Variants in MAGI2 observed in about 807,000 individuals in gnomAD.
The protein encoded by MAGI2 is membrane-associated guanylate kinase, WW and PDZ domain-containing protein 2.
Under a neutral mutation model 133.3 loss-of-function variants are expected in MAGI2, and 35 were observed. The observed-to-expected ratio is 0.26, with a 90% CI of 0.20 to 0.35. The LOEUF (loss-of-function observed/expected upper bound fraction) is 0.35, where lower values mean the gene tolerates loss of function less well. MAGI2 is among the 10% of genes least tolerant of loss of function. The probability of loss-of-function intolerance (pLI) is 1.00; values close to 1 mark genes in which losing one functional copy is unlikely to be tolerated. For missense variants in MAGI2, 1,636 were observed against 1,863.4 expected, an observed-to-expected ratio of 0.88 and a Z score of 2.25; for synonymous variants, 729 against 710.6, an observed-to-expected ratio of 1.03 and a Z score of -0.41.
At chr7:78,394,539 C>G (rs529518269) in intron 6 of MAGI2, among the ~76,000 whole-genome samples, 1 of 152,158 alleles carries the variant, frequency 6.6e-6, no homozygotes, top group Non-Finnish European at 1.5e-5. Context: ...CTTCTCACCC[C>G]CCTCTCCCAT....
At chr7:78,913,338 T>C (rs958919179) in intron 2 of MAGI2, among the ~76,000 whole-genome samples, 19 of 152,128 alleles carry the variant, frequency 1.2e-4, no homozygotes, top group Admixed American at 4.6e-4. Context: ...AATCTGGCTG[T>C]TTAAAAGTGT....
intron 3 of MAGI2, among the ~76,000 whole-genome samples, chr7:78,588,356 A>G (rs1036757710): frequency 5.3e-5 from 8 of 152,206 alleles, no homozygotes; most frequent in Non-Finnish European, 1.0e-4. Flanking sequence ...ACAATTTAAT[A>G]TAATTAATAA....
At chr7:79,443,126 G>C (rs2129199073) in intron 1 of MAGI2, among the ~76,000 whole-genome samples, 2 of 152,104 alleles carry the variant, frequency 1.3e-5, no homozygotes, top group Middle Eastern at 6.8e-3. Context: ...ACAAAAATTA[G>C]CCGGGTGTGA....
At chr7:79,268,408 A>G (rs770294164) in intron 1 of MAGI2, among the ~76,000 whole-genome samples, 26 of 152,214 alleles carry the variant, frequency 1.7e-4, no homozygotes, top group Non-Finnish European at 3.7e-4. Flanking sequence ...AAAGGCATTG[A>G]CGATGTATTA....
intron 6 of MAGI2, among the ~76,000 whole-genome samples, chr7:78,483,845 C>T (rs1304625718): frequency 6.6e-6 from 1 of 151,816 alleles, no homozygotes; most frequent in Non-Finnish European, 1.5e-5. Flanking sequence ...AATATCAGTA[C>T]AAAAACAAAA....
chr7:78,512,755 C>T (rs1293918678), intron 4 of MAGI2, among the ~76,000 whole-genome samples: 1 of 152,094 alleles, frequency 6.6e-6, no homozygotes, highest in Non-Finnish European at 1.5e-5. Flanking sequence ...ATATTTCGTG[C>T]CTCACAATTA....
chr7:78,572,920 A>G (rs908228033), intron 3 of MAGI2, among the ~76,000 whole-genome samples: 1 of 149,100 alleles, frequency 6.7e-6, no homozygotes, highest in African/African-American at 2.5e-5. Context: ...ACTCGGCCTC[A>G]CGATTACAGG....
intron 1 of MAGI2, among the ~76,000 whole-genome samples, chr7:79,159,019 T>C (rs1000387381): frequency 6.6e-5 from 10 of 151,992 alleles, no homozygotes; most frequent in African/African-American, 2.2e-4. Context: ...ATACAAGGTA[T>C]ACACAAGTTA....
intron 2 of MAGI2, among the ~76,000 whole-genome samples, chr7:78,742,118 C>T (rs1822496709): frequency 6.6e-6 from 1 of 151,790 alleles, no homozygotes; most frequent in Non-Finnish European, 1.5e-5. Context: ...AAACATAGTG[C>T]TCAAAATAAA....
chr7:79,214,862 T>C (rs1307100467), intron 1 of MAGI2, among the ~76,000 whole-genome samples: 1 of 144,796 alleles, frequency 6.9e-6, no homozygotes, highest in Non-Finnish European at 1.5e-5. Flanking sequence ...TTTATAAATA[T>C]ATATTTATAA....
intron 3 of MAGI2, among the ~76,000 whole-genome samples, chr7:78,602,154 C>CT (rs550503054): frequency 1.3e-4 from 20 of 151,424 alleles, no homozygotes; most frequent in Non-Finnish European, 4.4e-5. Flanking sequence ...AGATTAAGTA[C>CT]TTTTTTTTTG....
At chr7:78,026,332 G>A (rs1412576701) in intron 21 of MAGI2, among the ~76,000 whole-genome samples, 4 of 152,214 alleles carry the variant, frequency 2.6e-5, no homozygotes, top group Non-Finnish European at 5.9e-5. Flanking sequence ...TATAACCAAA[G>A]TGATGGTAAA....
At chr7:78,286,312 T>C (rs1295367757) in intron 9 of MAGI2, among the ~76,000 whole-genome samples, 1 of 152,172 alleles carries the variant, frequency 6.6e-6, no homozygotes, top group Non-Finnish European at 1.5e-5. Flanking sequence ...ATATTTTTCT[T>C]GTCTGTAAGA....
rs140424516 is a variant in MAGI2, at chr7:78,574,210, CA to C, written c.539-52566del. Among the ~76,000 whole-genome samples, 892 of 152,272 alleles carry C rather than the reference CA, an allele frequency of 5.9e-3. 2 individuals carry two copies. The highest frequency in any genetic ancestry group is 0.024 in the East Asian group (122 of 5,166). On this transcript the variant is annotated intron_variant, in intron 3 of 21. Coordinates refer to ENST00000354212, the MANE Select transcript of MAGI2 (RefSeq NM_012301.4). ...AGTGCCTCCAGTTTCCGTGACTTTC[CA>C]AGATCCTGTGAAAAGGTGACAGGGT... is the stretch of plus-strand genomic sequence containing the variant.
At chr7:79,357,560 C>T (rs1210642665) in intron 1 of MAGI2, among the ~76,000 whole-genome samples, 4 of 152,208 alleles carry the variant, frequency 2.6e-5, no homozygotes, top group African/African-American at 9.6e-5. Context: ...AGCAAGCCCT[C>T]AGTCTTTTAA....
intron 2 of MAGI2, among the ~76,000 whole-genome samples, chr7:78,823,685 T>TTAGG (rs1393314135): frequency 6.6e-6 from 1 of 151,812 alleles, no homozygotes; most frequent in African/African-American, 2.4e-5. Flanking sequence ...GATGAAAAGG[T>TTAGG]TAGGTAGAAG....
intron 1 of MAGI2, among the ~76,000 whole-genome samples, chr7:79,134,334 C>T (rs1694166457): frequency 6.6e-6 from 1 of 152,070 alleles, no homozygotes; most frequent in South Asian, 2.1e-4. Flanking sequence ...CTCATCAAAC[C>T]CTCTTTAGTA....
chr7:79,453,193 T>A lies in MAGI2; in HGVS notation c.128A>T (p.Tyr43Phe), dbSNP rs761336714. ...KGGAENGQFP[Y>F]LGEVKPGKVA... The stretch of plus-strand genomic sequence containing the variant: ...CTTGCCGGGCTTCACCTCCCCCAGG[T>A]AGGGGAACTGTCCATTCTCGGCGCC... The change falls in exon 1 of 22, where the codon TAC becomes TTC. Residue 43 changes from tyrosine (Y) to phenylalanine (F), a missense_variant. Tyr to Phe is a conservative substitution (Grantham distance 22). This residue lies in a region of MAGI2 where 148 missense variants were observed against 239.0 expected (regional missense o/e 0.62). Coordinates refer to ENST00000354212, the MANE Select transcript of MAGI2 (RefSeq NM_012301.4). 51 of 1,613,910 alleles carry A rather than the reference T, an allele frequency of 3.2e-5. No individual in the cohort carries two copies. In the South Asian group the frequency reaches 5.5e-4, roughly 17 times the overall value.
chr7:78,314,610 T>G (rs1584839555), intron 9 of MAGI2, among the ~76,000 whole-genome samples: 3 of 152,324 alleles, frequency 2.0e-5, no homozygotes, highest in Admixed American at 2.0e-4. Flanking sequence ...ACCAGGGGCA[T>G]GTGCACACAT....
Sources: allele counts gnomAD v4.1 joint callset (sites outside exome capture counted in the v4.1 genomes callset), GRCh38; gene constraint gnomAD v4.1.1; regional missense constraint gnomAD v4.1.1; transcripts MANE v1.5; gene names NCBI Gene and HGNC (gene_info 2026-07-23, HGNC 2026-07-21).